Variants in KIF26B observed in about 807,000 individuals in gnomAD.
KIF26B encodes kinesin-like protein KIF26B.
A neutral mutation model predicts 151.2 loss-of-function variants in KIF26B; 63 were observed. That is an observed-to-expected ratio of 0.42 (90% CI 0.34 to 0.51). The LOEUF (loss-of-function observed/expected upper bound fraction) is 0.51, where lower values mean the gene tolerates loss of function less well. Among genes scored for constraint, KIF26B ranks in the 20% least tolerant of loss-of-function variants. The pLI is 0.07. For synonymous variants in KIF26B, 1,357 were observed against 1,262.1 expected (o/e 1.08, Z -1.59); for missense variants, 2,813 against 2,913.6 (o/e 0.97, Z 0.79).
chr1:245,491,916 A>C (rs991230506), intron 4 of KIF26B, among the ~76,000 whole-genome samples: 1 of 152,132 alleles, frequency 6.6e-6, no homozygotes, highest in African/African-American at 2.4e-5. Flanking sequence ...AAAGAAAAAA[A>C]AAAAATCTGG....
In KIF26B at chr1:245,698,991, G is replaced by T; in HGVS notation, c.6132G>T (p.Ala2044=). 6.2e-7 allele frequency: 1 copy of T among 1,614,008 alleles called. No homozygotes were observed. The highest frequency in any genetic ancestry group is 1.1e-5 in the South Asian group (1 of 91,072). ...AGTGGCTGATGAAGGAGCTGGAGGC[G>T]ACCAAACAGTATCTGATGCTGGATC... The part of the protein sequence containing the change: ...KYEWLMKELE[A]TKQYLMLDPN... The change falls in exon 14 of 15, where the codon GCG becomes GCT. Residue 2044 remains alanine (A), a synonymous_variant. Coordinates refer to ENST00000407071, the MANE Select transcript of KIF26B (RefSeq NM_018012.4). This position sits in a 1 kb window ranked among gnomAD's most constrained non-coding sequence, Gnocchi z 4.0.
rs137986963 is a variant in KIF26B, at chr1:245,704,014, T to G, written c.*1408T>G. The stretch of plus-strand genomic sequence containing the variant: ...TCAGGACCTCAAATTCAGATGTTCC[T>G]CCCTATAACAATTCCCTTAGGAATT... On this transcript the variant is annotated 3_prime_UTR_variant, in exon 15 of 15. Coordinates refer to ENST00000407071, the MANE Select transcript of KIF26B (RefSeq NM_018012.4). The G allele has an allele frequency of 1.8e-3, 271 of 152,190 alleles. 1 individual carries two copies. Among genetic ancestry groups the G allele is most frequent in the African/African-American group, 6.3e-3 (260 of 41,502 alleles). 9.4% of individuals were successfully genotyped at this position (152,190 alleles called of 1,614,324 possible). A position where few individuals can be genotyped will look rare whatever the true frequency, so the allele number is the denominator to read the frequency against.
chr1:245,233,799 G>A (rs1032061087), intron 2 of KIF26B, among the ~76,000 whole-genome samples: 4 of 152,012 alleles, frequency 2.6e-5, no homozygotes, highest in African/African-American at 9.7e-5. Context: ...ATGCATCTGT[G>A]GTGTTCAGTA....
At chr1:245,203,954 C>A (rs1376385222) in intron 2 of KIF26B, among the ~76,000 whole-genome samples, 1 of 152,204 alleles carries the variant, frequency 6.6e-6, no homozygotes, top group African/African-American at 2.4e-5. Context: ...CTGCTATCAA[C>A]CAAAGCTACT....
At chr1:245,271,800 T>G (rs1419752919) in intron 2 of KIF26B, among the ~76,000 whole-genome samples, 2 of 152,182 alleles carry the variant, frequency 1.3e-5, no homozygotes, top group Non-Finnish European at 2.9e-5. Flanking sequence ...TCAGGGATAT[T>G]GGGCTGTATG....
At chr1:245,450,230 T>C (rs1368246310) in intron 4 of KIF26B, among the ~76,000 whole-genome samples, 2 of 152,238 alleles carry the variant, frequency 1.3e-5, no homozygotes, top group Non-Finnish European at 2.9e-5. Context: ...TGGTTCCATC[T>C]GTAGGTTGCT....
intron 5 of KIF26B, among the ~76,000 whole-genome samples, chr1:245,547,421 A>G (rs1326956195): frequency 1.3e-5 from 2 of 151,692 alleles, no homozygotes; most frequent in Non-Finnish European, 1.5e-5. Flanking sequence ...CCCTGCCTCT[A>G]CTAAAAATAC....
intron 5 of KIF26B, among the ~76,000 whole-genome samples, chr1:245,598,611 C>T (rs1053159414): frequency 3.3e-5 from 5 of 151,950 alleles, no homozygotes; most frequent in Non-Finnish European, 7.4e-5. Context: ...TGTGTGGCAG[C>T]GATCACCTCC....
At chr1:245,562,571 G>A (rs1486123590) in intron 5 of KIF26B, among the ~76,000 whole-genome samples, 5 of 151,170 alleles carry the variant, frequency 3.3e-5, no homozygotes, top group Non-Finnish European at 7.4e-5. Flanking sequence ...CTACCTGTCC[G>A]CACGTGGCCA....
chr1:245,625,318 A>C (rs2043711800), intron 9 of KIF26B, among the ~76,000 whole-genome samples: 1 of 152,202 alleles, frequency 6.6e-6, no homozygotes, highest in Non-Finnish European at 1.5e-5. Context: ...CTATCAAAGA[A>C]GTCTACCAGG....
At chr1:245,321,792 G>T (rs1021002357) in intron 2 of KIF26B, among the ~76,000 whole-genome samples, 3 of 152,176 alleles carry the variant, frequency 2.0e-5, no homozygotes, top group African/African-American at 4.8e-5. Context: ...ATGCCAGTTC[G>T]CTCAGCCATT....
intron 10 of KIF26B, among the ~76,000 whole-genome samples, chr1:245,668,393 ACAT>A (rs1187189566): frequency 6.6e-5 from 10 of 152,200 alleles, no homozygotes; most frequent in Admixed American, 1.3e-4. Flanking sequence ...AACAAAATAA[ACAT>A]CACTAAAAAA....
intron 3 of KIF26B, among the ~76,000 whole-genome samples, chr1:245,396,653 CA>C (rs368941008): frequency 4.3e-4 from 62 of 145,132 alleles, no homozygotes; most frequent in Non-Finnish European, 6.8e-4. Flanking sequence ...AAACAAAAAA[CA>C]AAAAAAAAAC....
intron 4 of KIF26B, among the ~76,000 whole-genome samples, chr1:245,425,838 G>A (rs1558161010): frequency 1.3e-5 from 2 of 152,208 alleles, no homozygotes; most frequent in Admixed American, 6.5e-5. Flanking sequence ...GGCAGAGCTG[G>A]TATCGCCAGT....
intron 9 of KIF26B, among the ~76,000 whole-genome samples, chr1:245,622,590 C>T (rs2043675907): frequency 6.6e-6 from 1 of 152,210 alleles, no homozygotes; most frequent in South Asian, 2.1e-4. Flanking sequence ...TGTACCAACA[C>T]CTTTCAATCT....
At chr1:245,506,583 G>A (rs1439610698) in intron 4 of KIF26B, among the ~76,000 whole-genome samples, 1 of 152,164 alleles carries the variant, frequency 6.6e-6, no homozygotes, top group African/African-American at 2.4e-5. Flanking sequence ...GACAGTCACA[G>A]CATCATAGAA....
At chr1:245,697,130 A>G (rs574685801) in intron 12 of KIF26B, among the ~76,000 whole-genome samples, 1 of 152,150 alleles carries the variant, frequency 6.6e-6, no homozygotes, top group Non-Finnish European at 1.5e-5. Flanking sequence ...GAGGTTTAAT[A>G]TGAAGCAAAA....
chr1:245,336,081 G>C (rs569062345), intron 2 of KIF26B, among the ~76,000 whole-genome samples: 2 of 130,052 alleles, frequency 1.5e-5, no homozygotes, highest in Non-Finnish European at 3.1e-5. Flanking sequence ...GCAGGGAAAG[G>C]AGGGTCCCAC....
chr1:245,379,689 G>A (rs1291163898), intron 3 of KIF26B, among the ~76,000 whole-genome samples: 2 of 151,384 alleles, frequency 1.3e-5, no homozygotes, highest in South Asian at 2.1e-4. Flanking sequence ...AAATGTCCTC[G>A]GCTGGTCGCG....
Sources: gnomAD v4.1 joint callset for allele counts (sites outside exome capture counted in the v4.1 genomes callset) on GRCh38, gnomAD v4.1.1 for gene constraint, Gnocchi (gnomAD v3.1) non-coding constraint, MANE v1.5 for transcripts, NCBI Gene and HGNC (gene_info 2026-07-23, HGNC 2026-07-21) for gene names.